The following CTNNA2 variants were observed in gnomAD, a reference collection of about 807,000 sequenced individuals.
CTNNA2 encodes the protein catenin alpha-2.
A neutral mutation model predicts 101.0 loss-of-function variants in CTNNA2; 42 were observed. The ratio of observed to expected loss-of-function variants is 0.42; its 90% CI spans 0.32 to 0.54. The LOEUF is 0.54. CTNNA2 is among the 20% of genes least tolerant of loss of function. The pLI is 0.14. For synonymous variants in CTNNA2, 450 were observed against 456.4 expected, an observed-to-expected ratio of 0.99 and a Z score of 0.18; for missense variants, 871 against 1,223.1, an observed-to-expected ratio of 0.71 and a Z score of 4.29.
chr2:79,212,237 G>A (rs1488865536), intron 2 of CTNNA2, among the ~76,000 whole-genome samples: 2 of 152,092 alleles, frequency 1.3e-5, no homozygotes, highest in East Asian at 3.9e-4. Context: ...ACAAGAGCAG[G>A]GCATGTATGA....
intron 2 of CTNNA2, among the ~76,000 whole-genome samples, chr2:79,714,186 C>T (rs939480642): frequency 6.6e-6 from 1 of 152,150 alleles, no homozygotes; most frequent in African/African-American, 2.4e-5. Flanking sequence ...TCCTTCAAGA[C>T]AGTCCATGCA....
chr2:79,408,022 C>T (rs1678359160), intron 4 of CTNNA2, among the ~76,000 whole-genome samples: 2 of 152,096 alleles, frequency 1.3e-5, no homozygotes, highest in South Asian at 4.1e-4. Flanking sequence ...TCTGGACTTC[C>T]CAGACTGTCA....
intron 3 of CTNNA2, among the ~76,000 whole-genome samples, chr2:79,330,009 G>A (rs1320491880): frequency 6.6e-6 from 1 of 152,154 alleles, no homozygotes; most frequent in Non-Finnish European, 1.5e-5. Flanking sequence ...AGAGGCCTCT[G>A]TCTGTAAAAC....
In CTNNA2 at chr2:79,424,092, G is replaced by A. The variant is rs1573159520; in HGVS notation, c.-135+50079G>A. Among the ~76,000 whole-genome samples the A allele has an allele frequency of 2.0e-5, 3 of 152,242 alleles. 1 individual carries two copies. The East Asian group carries it at 5.8e-4, about 30-fold the overall frequency. ...AAGATTGTACTCCAGGAGGTCAAGA[G>A]AGAGAGGAAGCCAATGCTAGATCAT... is the stretch of plus-strand genomic sequence containing the variant. On this transcript the variant is annotated intron_variant, in intron 4 of 21. Transcript: ENST00000466387.
chr2:80,555,987 A>G, intron 12 of CTNNA2, 94 bp downstream of exon 12: 1 of 833,088 alleles, frequency 1.2e-6, no homozygotes, highest in East Asian at 2.9e-5. Context: ...GTAGGCCTTT[A>G]TGCTTCTAAA....
At chr2:79,305,271 C>T (rs1161966104) in intron 2 of CTNNA2, among the ~76,000 whole-genome samples, 1 of 149,772 alleles carries the variant, frequency 6.7e-6, no homozygotes, top group Non-Finnish European at 1.5e-5. Context: ...AGTATATATG[C>T]ATATATGTAG....
At chr2:80,075,597 T>TTATAA (rs1558783288) in intron 7 of CTNNA2, among the ~76,000 whole-genome samples, 21 of 75,274 alleles carry the variant, frequency 2.8e-4, no homozygotes, top group Admixed American at 5.4e-4. Context: ...TGTATAAATA[T>TTATAA]AAATATTTAT....
rs190762713 is a variant in CTNNA2 at position 79,331,485 on chromosome 2, C to T, written c.-318+18689C>T. On this transcript the variant is annotated intron_variant, in intron 3 of 21. Coordinates refer to the CTNNA2 transcript ENST00000466387. ...CTTTGAAAATCTCTTTCCCTAAAGC[C>T]CTCTGTCCTCTCACTTCTTATGCCT... is the stretch of plus-strand genomic sequence containing the variant. Among the ~76,000 whole-genome samples the T allele has an allele frequency of 9.3e-4, 141 of 152,238 alleles. 1 individual carries two copies. The highest frequency in any genetic ancestry group is 3.4e-3 in the Middle Eastern group (1 of 294).
At chr2:79,318,734 A>G (rs2104406992) in intron 3 of CTNNA2, among the ~76,000 whole-genome samples, 1 of 152,322 alleles carries the variant, frequency 6.6e-6, no homozygotes, top group South Asian at 2.1e-4. Flanking sequence ...ATCCTCATTC[A>G]TTTTATTCTC....
At chr2:80,325,155 C>T (rs1679126239) in intron 7 of CTNNA2, among the ~76,000 whole-genome samples, 2 of 152,072 alleles carry the variant, frequency 1.3e-5, no homozygotes, top group African/African-American at 2.4e-5. Flanking sequence ...AAGACTATGT[C>T]ACTTGCCAAG....
At chr2:79,813,977 G>A (rs998179472) in intron 3 of CTNNA2, among the ~76,000 whole-genome samples, 1 of 152,050 alleles carries the variant, frequency 6.6e-6, no homozygotes, top group Non-Finnish European at 1.5e-5. Context: ...CCTTGTGGTG[G>A]CTGTCAATCC....
intron 4 of CTNNA2, among the ~76,000 whole-genome samples, chr2:79,379,792 C>A (rs1365775948): frequency 1.3e-5 from 2 of 151,720 alleles, no homozygotes; most frequent in African/African-American, 4.8e-5. Flanking sequence ...GATTCGTATT[C>A]AAAAAAAATT....
chr2:80,610,445 T>G (rs2149788270), intron 17 of CTNNA2, among the ~76,000 whole-genome samples: 1 of 151,644 alleles, frequency 6.6e-6, no homozygotes, highest in African/African-American at 2.4e-5. Flanking sequence ...GCAAAGTTGC[T>G]GTTTTTTTTC....
At chr2:80,580,000 T>C (rs1031733497) in intron 13 of CTNNA2, among the ~76,000 whole-genome samples, 1 of 152,258 alleles carries the variant, frequency 6.6e-6, no homozygotes, top group Non-Finnish European at 1.5e-5. Flanking sequence ...GACCATCACC[T>C]GTCAGGCTAA....
At chr2:80,327,610 G>A (rs1249739960) in intron 7 of CTNNA2, among the ~76,000 whole-genome samples, 6 of 152,132 alleles carry the variant, frequency 3.9e-5, no homozygotes, top group Non-Finnish European at 5.9e-5. Flanking sequence ...GTGAGCTGAC[G>A]CTGCAAATAC....
At chr2:80,380,331 T>C (rs1240793380) in intron 7 of CTNNA2, among the ~76,000 whole-genome samples, 1 of 152,096 alleles carries the variant, frequency 6.6e-6, no homozygotes, top group Non-Finnish European at 1.5e-5. Context: ...CCACCGCACC[T>C]GGCCAGAGAT....
intron 7 of CTNNA2, among the ~76,000 whole-genome samples, chr2:80,344,865 T>G (rs183266543): frequency 3.4e-4 from 52 of 152,262 alleles, no homozygotes; most frequent in African/African-American, 1.1e-3. Flanking sequence ...TCCTAGTGCT[T>G]TATCCCAAAA....
chr2:79,435,444 A>T (rs978942407), intron 4 of CTNNA2, among the ~76,000 whole-genome samples: 1 of 152,190 alleles, frequency 6.6e-6, no homozygotes, highest in African/African-American at 2.4e-5. Flanking sequence ...TAGTGAATTC[A>T]TCTCACAGCC....
intron 1 of CTNNA2, among the ~76,000 whole-genome samples, chr2:79,638,688 A>G (rs1490832594): frequency 6.6e-6 from 1 of 152,228 alleles, no homozygotes; most frequent in Non-Finnish European, 1.5e-5. Flanking sequence ...TTAGGCTTAA[A>G]TAATTTCCCT....
Sources: allele counts gnomAD v4.1 joint callset (sites outside exome capture counted in the v4.1 genomes callset), GRCh38; gene constraint gnomAD v4.1.1; transcripts MANE v1.5; gene names NCBI Gene and HGNC (gene_info 2026-07-23, HGNC 2026-07-21).